The following PTH2R variants were observed in gnomAD, a reference collection of about 807,000 sequenced individuals.
PTH2R encodes the protein PTH2 receptor.
Under a neutral mutation model 60.3 loss-of-function variants are expected in PTH2R, and 59 were observed. The ratio of observed to expected loss-of-function variants is 0.98; its 90% confidence interval spans 0.79 to 1.22. The LOEUF (loss-of-function observed/expected upper bound fraction) is 1.22. Ranked by LOEUF, PTH2R falls within the 50% of genes most tolerant of loss-of-function variation. The pLI is 0.00. For synonymous variants in PTH2R, 256 were observed against 243.8 expected (o/e 1.05, Z -0.47); for missense variants, 749 against 682.6 (o/e 1.10, Z -1.08).
chr2:208,461,297 A>T (rs74407724), intron 9 of PTH2R, among the ~76,000 whole-genome samples: 1 of 152,126 alleles, frequency 6.6e-6, no homozygotes, highest in Non-Finnish European at 1.5e-5. Flanking sequence ...AGTGAAAAAA[A>T]TCCTAGATCT....
chr2:208,408,736 GAGAA>G (rs1418929188), intron 1 of PTH2R, among the ~76,000 whole-genome samples: 35 of 61,180 alleles, frequency 5.7e-4, no homozygotes, highest in East Asian at 5.6e-3. Context: ...GAGAGAGAGA[GAGAA>G]AGAGAGAGAG....
At chr2:208,436,344 A>C (rs1391081135) in intron 2 of PTH2R, among the ~76,000 whole-genome samples, 1 of 152,214 alleles carries the variant, frequency 6.6e-6, no homozygotes, top group African/African-American at 2.4e-5. Flanking sequence ...CAGGCATTAT[A>C]AAAACTTATG....
chr2:208,461,530 T>A (rs1423438717), intron 9 of PTH2R, among the ~76,000 whole-genome samples: 3 of 152,166 alleles, frequency 2.0e-5, no homozygotes, highest in Non-Finnish European at 4.4e-5. Context: ...CAGTGTCTTG[T>A]ACTGAAACTG....
intron 1 of PTH2R, among the ~76,000 whole-genome samples, chr2:208,363,432 T>C (rs1315042841): frequency 6.6e-6 from 1 of 152,224 alleles, no homozygotes; most frequent in Non-Finnish European, 1.5e-5. Flanking sequence ...GGCATCTAGG[T>C]TGATTCCATG....
rs748757624 is a variant in PTH2R, at chr2:208,493,372, A to G, written c.1366A>G (p.Thr456Ala). 1.9e-6 allele frequency: 3 copies of G among 1,607,876 alleles called. 1 individual carries two copies. In the South Asian group the frequency reaches 3.3e-5, roughly 18 times the overall value. Residue 456 changes from threonine to alanine, a missense_variant, in exon 13 of 13, where the codon ACG becomes GCG. Physicochemically the swap from Thr to Ala is moderately conservative, Grantham distance 58. Transcript: ENST00000272847. ...RRCGSVLTTV[T>A]HSTSSQSQVA... ...ATGCGGCTCAGTGCTCACCACCGTGACGCACAGCACCAGCAGCCAGTCACA... is the reference window on the plus strand; with the variant it reads ...ATGCGGCTCAGTGCTCACCACCGTGGCGCACAGCACCAGCAGCCAGTCACA...
chr2:208,411,744 G>A (rs1402599003), intron 1 of PTH2R, among the ~76,000 whole-genome samples: 2 of 151,708 alleles, frequency 1.3e-5, no homozygotes, highest in Non-Finnish European at 2.9e-5. Context: ...TTAAACAGCC[G>A]TGTGACTTTA....
chr2:208,420,906 G>A (rs1701741419), intron 1 of PTH2R, among the ~76,000 whole-genome samples: 1 of 152,160 alleles, frequency 6.6e-6, no homozygotes, highest in Non-Finnish European at 1.5e-5. Flanking sequence ...TTCCAGCACA[G>A]GAATCCTTTC....
At chr2:208,488,829 A>T (rs1703331746) in intron 10 of PTH2R, among the ~76,000 whole-genome samples, 183 bp from the exon 11 acceptor site, 2 of 152,166 alleles carry the variant, frequency 1.3e-5, no homozygotes, top group African/African-American at 4.8e-5. Flanking sequence ...GTAAGCTGTG[A>T]TCACGCCACT....
At chr2:208,461,658 A>T (rs551978977) in intron 9 of PTH2R, among the ~76,000 whole-genome samples, 1 of 152,208 alleles carries the variant, frequency 6.6e-6, no homozygotes, top group African/African-American at 2.4e-5. Context: ...AATGCAAGAG[A>T]TCCTTGTAAA....
chr2:208,391,746 G>T (rs112359918), intron 1 of PTH2R, among the ~76,000 whole-genome samples: 1 of 152,084 alleles, frequency 6.6e-6, no homozygotes, highest in Admixed American at 6.5e-5. Context: ...GGCTTAATCC[G>T]CTCTTTCCCT....
Position 208,437,608 on chromosome 2 carries a change from G to T in PTH2R, c.250G>T (p.Val84Phe). The T allele has an allele frequency of 6.2e-7, 1 of 1,613,672 alleles. No homozygotes were observed. Among genetic ancestry groups the T allele is most frequent in the Non-Finnish European group, 8.5e-7 (1 of 1,179,792 alleles). Residue 84 changes from valine to phenylalanine, a missense_variant, in exon 3 of 13, where the codon GTT (valine) becomes TTT (phenylalanine). Transcript: ENST00000272847. ...PRGTVGKISA[V>F]PCPPYIYDFN... is the part of the protein sequence containing the mutation. ...AGGAACAGTGGGGAAAATATCGGCT[G>T]TTCCATGCCCTCCTTATATTTATGA... is the stretch of plus-strand genomic sequence containing the variant.
chr2:208,429,152 T>C (rs975123702), intron 2 of PTH2R, among the ~76,000 whole-genome samples: 6 of 152,030 alleles, frequency 3.9e-5, no homozygotes, highest in African/African-American at 9.7e-5. Context: ...TAATTTTCCA[T>C]GTGGTCTTCA....
At chr2:208,394,131 C>T (rs1421387858) in intron 1 of PTH2R, among the ~76,000 whole-genome samples, 1 of 152,186 alleles carries the variant, frequency 6.6e-6, no homozygotes, top group Non-Finnish European at 1.5e-5. Flanking sequence ...TCCATTTGCC[C>T]TTCTGTTTGC....
intron 9 of PTH2R, among the ~76,000 whole-genome samples, chr2:208,474,443 G>T (rs955975063): frequency 6.6e-6 from 1 of 152,164 alleles, no homozygotes; most frequent in African/African-American, 2.4e-5. Context: ...CTTAATAAAG[G>T]AAACACCAAG....
chr2:208,418,452 C>T (rs1406014129), intron 1 of PTH2R, among the ~76,000 whole-genome samples: 1 of 151,234 alleles, frequency 6.6e-6, no homozygotes, highest in Non-Finnish European at 1.5e-5. Flanking sequence ...CAAACCAACT[C>T]CAACAATGTA....
chr2:208,486,058 A>G, intron 10 of PTH2R, among the ~76,000 whole-genome samples: 1 of 152,180 alleles, frequency 6.6e-6, no homozygotes, highest in East Asian at 1.9e-4. Context: ...AGCAACCTGA[A>G]TGAACTTAGA....
At chr2:208,395,677 G>C (rs1228522755) in intron 1 of PTH2R, among the ~76,000 whole-genome samples, 1 of 152,200 alleles carries the variant, frequency 6.6e-6, no homozygotes, top group Non-Finnish European at 1.5e-5. Flanking sequence ...AGGATTCTCT[G>C]CCAACACCCA....
At chr2:208,473,016 T>A (rs1702919591) in intron 9 of PTH2R, among the ~76,000 whole-genome samples, 1 of 152,238 alleles carries the variant, frequency 6.6e-6, no homozygotes, top group Non-Finnish European at 1.5e-5. Flanking sequence ...GAGCAGTGTT[T>A]CCTTATGTAG....
chr2:208,433,103 G>A lies in PTH2R; in HGVS notation c.179-4434G>A, dbSNP rs569444027. ...GGTCAAGATAAGCAAGTGTGCACCA[G>A]TCACACACCATATGAATTATACATA... On this transcript the variant is annotated intron_variant, in intron 2 of 12. Coordinates refer to ENST00000272847, the MANE Select transcript of PTH2R (RefSeq NM_005048.4). Among the ~76,000 whole-genome samples the A allele has an allele frequency of 3.3e-5, 5 of 152,268 alleles. No homozygotes were observed. In the South Asian group the frequency reaches 6.2e-4, roughly 19 times the overall value.
Sources: gnomAD v4.1 joint callset for allele counts (sites outside exome capture counted in the v4.1 genomes callset) on GRCh38, gnomAD v4.1.1 for gene constraint, MANE v1.5 for transcripts, NCBI Gene and HGNC (gene_info 2026-07-23, HGNC 2026-07-21) for gene names.